Variants in OR2L2 observed in about 807,000 individuals in gnomAD.
OR2L2 encodes olfactory receptor family 2 subfamily L member 2.
For missense variants in OR2L2, 378 were observed against 375.2 expected, an observed-to-expected ratio of 1.01 and a Z score of -0.06; for synonymous variants, 156 against 135.4, an observed-to-expected ratio of 1.15 and a Z score of -1.06.
chr1:248,032,577 TGG>T (rs1662647891), intron 1 of OR2L2, among the ~76,000 whole-genome samples: 1 of 152,196 alleles, frequency 6.6e-6, no homozygotes, highest in Admixed American at 6.5e-5. Flanking sequence ...TTGACTACTC[TGG>T]GTACTTCCTG....
At position 248,039,089 on chromosome 1, in the gene OR2L2, T is replaced by C. The variant is rs1268083258; in HGVS notation, c.822T>C (p.Ala274=). ...LRSPTEDKIL[A]VFYTILTPML... ...CTCCAACAGAGGACAAGATTCTGGC[T>C]GTTTTCTACACCATCCTCACCCCAA... Residue 274 remains alanine (A), a synonymous_variant, in exon 3 of 3, where the codon GCT becomes GCC. Transcript: ENST00000641771. The C allele has an allele frequency of 6.2e-7, 1 of 1,614,120 alleles. No individual in the cohort carries two copies. Among genetic ancestry groups the C allele is most frequent in the Non-Finnish European group, 8.5e-7 (1 of 1,180,016 alleles).
rs1662916557 is a variant in OR2L2 at position 248,040,358 on chromosome 1, TAAG to T, written c.*1157_*1159del. ...CAAGAAGGAAGGTAGAATGAGCAAG[TAAG>T]AAGAGCCTCATATTATCCAAGTGAC... is the stretch of plus-strand genomic sequence containing the variant. On this transcript the variant is annotated 3_prime_UTR_variant, in exon 3 of 3. Coordinates refer to ENST00000641771, the MANE Select transcript of OR2L2 (RefSeq NM_001385855.1). 6.6e-6 allele frequency: 1 copy of T among 152,274 alleles called. No individual in the cohort carries two copies. The highest frequency in any genetic ancestry group is 2.4e-5 in the African/African-American group (1 of 41,454). 9.4% of individuals were successfully genotyped at this position (152,274 alleles called of 1,614,324 possible).
At position 248,039,670 on chromosome 1, in the gene OR2L2, C is replaced by T. The variant is rs921925770; in HGVS notation, c.*464C>T. 1.3e-5 allele frequency: 2 copies of T among 153,062 alleles called. No individual in the cohort carries two copies. The highest frequency in any genetic ancestry group is 6.5e-5 in the Admixed American group (1 of 15,428). 9.5% of individuals were successfully genotyped at this position (153,062 alleles called of 1,614,324 possible). On this transcript the variant is annotated 3_prime_UTR_variant, in exon 3 of 3. Transcript: ENST00000641771. Reference sequence around the variant, plus strand: ...TTTCATTAACATGTAGAAATCAAAACAATAAAGGTCCAAACTAATCATATC... The same window carrying T: ...TTTCATTAACATGTAGAAATCAAAATAATAAAGGTCCAAACTAATCATATC...
intron 2 of OR2L2, among the ~76,000 whole-genome samples, chr1:248,037,482 A>G (rs1477302662): frequency 1.3e-5 from 2 of 152,200 alleles, no homozygotes; most frequent in Non-Finnish European, 2.9e-5. Flanking sequence ...GTTGGGCATC[A>G]AACATTCATA....
chr1:248,031,049 A>G (rs1662607151), intron 1 of OR2L2, among the ~76,000 whole-genome samples: 1 of 152,230 alleles, frequency 6.6e-6, no homozygotes, highest in South Asian at 2.1e-4. Context: ...GTTTTTAAAT[A>G]GGCTTAAAAT....
chr1:248,032,603 A>G (rs1000114889), intron 1 of OR2L2, among the ~76,000 whole-genome samples: 3 of 152,210 alleles, frequency 2.0e-5, no homozygotes, highest in African/African-American at 7.2e-5. Flanking sequence ...ATAAATTCAT[A>G]CAATACTTGC....
At chr1:248,037,922 A>G (rs1204759650) in intron 2 of OR2L2, among the ~76,000 whole-genome samples, 1 of 152,198 alleles carries the variant, frequency 6.6e-6, no homozygotes, top group Non-Finnish European at 1.5e-5. Flanking sequence ...TTGATTTCCC[A>G]TGAAGCATTT....
intron 1 of OR2L2, among the ~76,000 whole-genome samples, chr1:248,034,964 G>T (rs1662716021): frequency 6.6e-6 from 1 of 150,676 alleles, no homozygotes; most frequent in South Asian, 2.1e-4. Context: ...GAGTCCTAAG[G>T]TTTTCTACAC....
chr1:248,039,051 A>T lies in OR2L2; in HGVS notation c.784A>T (p.Arg262Ter), dbSNP rs1459885993. ...CTTTGCTTATACCTATGTACGTCCA[A>T]GATCCCTGCGATCTCCAACAGAGGA... ...APFAYTYVRP[R>*]SLRSPTEDKI... Residue 262 changes from arginine (R) to a stop codon, truncating the protein, a stop_gained, in exon 3 of 3, where the codon AGA (arginine) becomes TGA (stop). Transcript: ENST00000641771. LOFTEE classifies it low-confidence loss of function (END_TRUNC). The T allele has an allele frequency of 3.1e-6, 5 of 1,614,050 alleles. No individual in the cohort carries two copies. The South Asian group carries it at 5.5e-5, about 18-fold the overall frequency.
Position 248,041,010 on chromosome 1 carries a change from C to G in OR2L2, c.*1804C>G, listed in dbSNP as rs1662935711. On this transcript the variant is annotated 3_prime_UTR_variant, in exon 3 of 3. Coordinates refer to ENST00000641771, the MANE Select transcript of OR2L2 (RefSeq NM_001385855.1). ...CAAATGTTTATGACTTTCTTCTCCT[C>G]TAATTTAAATTAAGTAGAATTTTCT... 6.6e-6 allele frequency: 1 copy of G among 152,192 alleles called. No individual in the cohort carries two copies. The highest frequency in any genetic ancestry group is 2.1e-4 in the South Asian group (1 of 4,820). 9.4% of individuals were successfully genotyped at this position (152,192 alleles called of 1,614,324 possible).
At chr1:248,032,659 C>T (rs1662649941) in intron 1 of OR2L2, among the ~76,000 whole-genome samples, 1 of 152,144 alleles carries the variant, frequency 6.6e-6, no homozygotes, top group Admixed American at 6.5e-5. Flanking sequence ...CAAGTTTCAT[C>T]TATGTTGTAG....
At position 248,041,381 on chromosome 1, in the gene OR2L2, C is replaced by T. The variant is rs1416714855; in HGVS notation, c.*2175C>T. 20 of 152,162 alleles carry T rather than the reference C, an allele frequency of 1.3e-4. 1 individual carries two copies. In the South Asian group the frequency reaches 2.1e-3, roughly 16 times the overall value. The allele number at this position is 152,162 out of a possible 1,614,324, so 9.4% of individuals were successfully genotyped here. On this transcript the variant is annotated 3_prime_UTR_variant, in exon 3 of 3. Transcript: ENST00000641771. Reference sequence around the variant, plus strand: ...ATTCAAGATGGATTAAAGACTTAAACGTTAGACCTAAAACCATAAAAACCC... The same window carrying T: ...ATTCAAGATGGATTAAAGACTTAAATGTTAGACCTAAAACCATAAAAACCC...
chr1:248,037,122 T>G (rs1015868132), intron 2 of OR2L2, among the ~76,000 whole-genome samples: 1 of 152,154 alleles, frequency 6.6e-6, no homozygotes, highest in African/African-American at 2.4e-5. Flanking sequence ...GTGGTGGACA[T>G]TCAAAATCAA....
chr1:248,030,543 A>T (rs1271427701), intron 1 of OR2L2, among the ~76,000 whole-genome samples: 1 of 152,190 alleles, frequency 6.6e-6, no homozygotes, highest in Non-Finnish European at 1.5e-5. Flanking sequence ...AAGAACCCAC[A>T]TTCACAATAA....
rs1662882651 is a variant in OR2L2 at position 248,039,469 on chromosome 1, C to G, written c.*263C>G. 3.7e-6 allele frequency: 1 copy of G among 269,528 alleles called. No homozygotes were observed. Among genetic ancestry groups the G allele is most frequent in the Non-Finnish European group, 7.2e-6 (1 of 139,624 alleles). 16.7% of individuals were successfully genotyped at this position (269,528 alleles called of 1,614,324 possible). A position where few individuals can be genotyped will look rare whatever the true frequency, so the allele number is the denominator to read the frequency against. On this transcript the variant is annotated 3_prime_UTR_variant, in exon 3 of 3. Transcript: ENST00000641771. ...GATTTTGGCTCTTGTTGCCCAGGCT[C>G]TAATGCAATGGCGCAATCTCAGCTC...
Position 248,033,267 on chromosome 1 carries a change from G to A in OR2L2, c.-96-2283G>A, listed in dbSNP as rs1662668037. Among the ~76,000 whole-genome samples the A allele has an allele frequency of 1.3e-5, 2 of 152,148 alleles. 1 individual carries two copies. The highest frequency in any genetic ancestry group is 4.1e-4 in the South Asian group (2 of 4,824). On this transcript the variant is annotated intron_variant, in intron 1 of 2. Transcript: ENST00000641771. ...ACTTAATTTTTCTATATGGTGTAAA[G>A]TAAGCATCCAATTTCAATATTTTGA...
Position 248,034,181 on chromosome 1 carries a change from C to T in OR2L2, c.-96-1369C>T, listed in dbSNP as rs183079533. 4.5e-4 allele frequency among the ~76,000 whole-genome samples: 68 copies of T among 152,234 alleles called. 1 individual carries two copies. The highest frequency in any genetic ancestry group is 3.3e-3 in the Admixed American group (50 of 15,298). On this transcript the variant is annotated intron_variant, in intron 1 of 2. Coordinates refer to ENST00000641771, the MANE Select transcript of OR2L2 (RefSeq NM_001385855.1). ...TAGACGAAACAAACCTATGGAAACA[C>T]GTACCATGCTCATGGATAGGTAGAA...
rs74734080 is a variant in OR2L2, at chr1:248,037,833, A to G, written c.-21-414A>G. ...CAAATGAACACTTCATAAATTTTCAATTGGTTTTCAGTCATAGCCCAACGT... is the reference window on the plus strand; with the variant it reads ...CAAATGAACACTTCATAAATTTTCAGTTGGTTTTCAGTCATAGCCCAACGT... On this transcript the variant is annotated intron_variant, in intron 2 of 2. Transcript: ENST00000641771. Among the ~76,000 whole-genome samples the G allele has an allele frequency of 4.0e-3, 610 of 152,296 alleles. 2 individuals are homozygous for G. Among genetic ancestry groups the G allele is most frequent in the Non-Finnish European group, 5.9e-3 (399 of 68,006 alleles).
chr1:248,034,598 T>C (rs1243696562), intron 1 of OR2L2, among the ~76,000 whole-genome samples: 1 of 152,230 alleles, frequency 6.6e-6, no homozygotes, highest in East Asian at 1.9e-4. Flanking sequence ...AGCCTTCCAG[T>C]CTATAAATAC....
Sources: allele counts gnomAD v4.1 joint callset (sites outside exome capture counted in the v4.1 genomes callset), GRCh38; gene constraint gnomAD v4.1.1; transcripts MANE v1.5; gene names NCBI Gene and HGNC (gene_info 2026-07-23, HGNC 2026-07-21).